DPP6: variants seen among roughly 807,000 people sequenced by gnomAD.
DPP6 encodes the protein A-type potassium channel modulatory protein DPP6.
A neutral mutation model predicts 122.6 loss-of-function variants in DPP6; 69 were observed. That is an observed-to-expected ratio of 0.56 (90% confidence interval 0.46 to 0.69). The LOEUF (loss-of-function observed/expected upper bound fraction) is 0.69, where lower values mean the gene tolerates loss of function less well. DPP6 is among the 30% of genes least tolerant of loss of function. DPP6 has a pLI of 0.00. For synonymous variants in DPP6, 418 were observed against 433.1 expected (o/e 0.97, Z 0.43); for missense variants, 928 against 1,116.9 (o/e 0.83, Z 2.41).
chr7:154,764,232 TCTCGCTC>T (rs1795756913), intron 8 of DPP6, among the ~76,000 whole-genome samples: 2 of 152,152 alleles, frequency 1.3e-5, no homozygotes, highest in African/African-American at 2.4e-5. Context: ...AATTGACCAC[TCTCGCTC>T]GGTGGATTTG....
rs1823328643 is a variant in DPP6 at position 154,481,808 on chromosome 7, T to C, written c.457+6771T>C. ...CCCTAATTCTTGCTCTGCCCCACAT[T>C]GACTCTTCTGGTTTTGGATTCTCCT... On this transcript the variant is annotated intron_variant, in intron 3 of 25. Coordinates refer to ENST00000377770, the MANE Select transcript of DPP6 (RefSeq NM_130797.4). This position sits in a 1 kb window ranked among gnomAD's most constrained non-coding sequence, Gnocchi z 4.2. 6.6e-6 allele frequency among the ~76,000 whole-genome samples: 1 copy of C among 152,164 alleles called. No homozygotes were observed. Among genetic ancestry groups the C allele is most frequent in the Non-Finnish European group, 1.5e-5 (1 of 68,026 alleles).
At chr7:154,445,421 C>G (rs1448874918) in intron 1 of DPP6, among the ~76,000 whole-genome samples, 2 of 152,308 alleles carry the variant, frequency 1.3e-5, no homozygotes, top group African/African-American at 2.4e-5. Flanking sequence ...TATGATTCCT[C>G]TAATTTGCAC....
In DPP6 at chr7:154,727,681, G is replaced by A. The variant is rs75177355; in HGVS notation, c.763-86G>A. 1.1e-3 allele frequency: 1,669 copies of A among 1,464,216 alleles called. 14 individuals are homozygous for A. In the African/African-American group the frequency reaches 0.018, roughly 16 times the overall value. The allele number at this position is 1,464,216 out of a possible 1,614,324, so 90.7% of individuals were successfully genotyped here. ...AAATACAACAGGAAAATGAAAACCC[G>A]GTTGATGATTTCAGATTTTTTAAGA... On this transcript the variant is annotated intron_variant, in intron 7 of 25. Coordinates refer to ENST00000377770, the MANE Select transcript of DPP6 (RefSeq NM_130797.4).
At chr7:154,579,089 C>G (rs1030381687) in intron 5 of DPP6, among the ~76,000 whole-genome samples, 3 of 152,152 alleles carry the variant, frequency 2.0e-5, no homozygotes, top group African/African-American at 4.8e-5. Flanking sequence ...TGGCTCATGC[C>G]TGTAATCCCA....
At chr7:154,205,633 C>A (rs550821711) in intron 1 of DPP6, among the ~76,000 whole-genome samples, 155 of 152,142 alleles carry the variant, frequency 1.0e-3, no homozygotes, top group African/African-American at 3.4e-3. Context: ...GGTGTCATGC[C>A]CAGGGATCAC....
At chr7:153,895,063 C>G (rs1799350157) in intron 1 of DPP6, among the ~76,000 whole-genome samples, 1 of 152,120 alleles carries the variant, frequency 6.6e-6, no homozygotes, top group African/African-American at 2.4e-5. Context: ...AGTTTTCTAA[C>G]CTCAGTTATA....
chr7:153,911,436 G>A (rs1312810166), intron 1 of DPP6, among the ~76,000 whole-genome samples: 1 of 152,130 alleles, frequency 6.6e-6, no homozygotes, highest in Non-Finnish European at 1.5e-5. Context: ...TCACTCTCAG[G>A]GATCTTGTCT....
At chr7:154,287,991 A>G (rs1804963199) in intron 1 of DPP6, among the ~76,000 whole-genome samples, 1 of 152,206 alleles carries the variant, frequency 6.6e-6, no homozygotes, top group Non-Finnish European at 1.5e-5. Flanking sequence ...AAATGGGGCA[A>G]AAGTTACTCC....
chr7:154,587,077 A>T (rs1291476458), intron 5 of DPP6: 1 of 152,780 alleles, frequency 6.5e-6, no homozygotes, highest in Non-Finnish European at 1.5e-5. Flanking sequence ...TCACAAAAGG[A>T]TGCGCAAGAG....
intron 1 of DPP6, among the ~76,000 whole-genome samples, chr7:154,307,093 A>G (rs1234472335): frequency 2.0e-5 from 3 of 152,108 alleles, no homozygotes; most frequent in African/African-American, 7.2e-5. Flanking sequence ...TCATAGGTCT[A>G]CACCCGATAC....
intron 16 of DPP6, among the ~76,000 whole-genome samples, chr7:154,816,276 TGA>T (rs57337365): frequency 6.6e-6 from 1 of 152,166 alleles, no homozygotes; most frequent in Non-Finnish European, 1.5e-5. Flanking sequence ...TAAGATATTT[TGA>T]GAGAGAGAGA....
At chr7:154,482,337 G>A (rs1823380344) in intron 3 of DPP6, among the ~76,000 whole-genome samples, 1 of 152,186 alleles carries the variant, frequency 6.6e-6, no homozygotes, top group African/African-American at 2.4e-5. Context: ...GAGAAGCTGA[G>A]AAGTTGGGTT....
chr7:154,173,028 C>T (rs907021646), intron 1 of DPP6, among the ~76,000 whole-genome samples: 1 of 152,134 alleles, frequency 6.6e-6, no homozygotes, highest in African/African-American at 2.4e-5. Context: ...GAGTAGGCTG[C>T]TTTTGCATTT....
At chr7:153,887,777 A>G (rs1279910134) in intron 1 of DPP6, 1 of 1,603,250 alleles carries the variant, frequency 6.2e-7, no homozygotes, top group Non-Finnish European at 8.5e-7. Flanking sequence ...GGGGGGACCC[A>G]CCGTGAGGAG....
In DPP6 at chr7:154,876,055, G is replaced by A. The variant is rs369842391; in HGVS notation, c.2033G>A (p.Arg678Gln). 11 of 1,609,476 alleles carry A rather than the reference G, an allele frequency of 6.8e-6. No individual in the cohort carries two copies. The highest frequency in any genetic ancestry group is 2.7e-5 in the African/African-American group (2 of 74,880). Residue 678 changes from arginine to glutamine, a missense_variant, in exon 20 of 26, where the codon CGG becomes CAG. By Grantham distance (43) the Arg-to-Gln change is conservative. Coordinates refer to ENST00000377770, the MANE Select transcript of DPP6 (RefSeq NM_130797.4). Reference protein sequence around the residue: ...QGTKLLHEVRRRLGLLEEKDQ... With the variant: ...QGTKLLHEVRQRLGLLEEKDQ... ...ACCAAGCTCCTGCACGAAGTGAGGC[G>A]GCGGCTGGGCTTGCTGGAGGAGAAG...
chr7:153,834,858 G>C, the DPP6 span, among the ~76,000 whole-genome samples: 1 of 152,092 alleles, frequency 6.6e-6, no homozygotes, highest in African/African-American at 2.4e-5. Flanking sequence ...ATGATTATTC[G>C]GGTAAATATA....
intron 2 of DPP6, among the ~76,000 whole-genome samples, chr7:154,468,375 C>A (rs1434254920): frequency 6.6e-6 from 1 of 152,116 alleles, no homozygotes; most frequent in African/African-American, 2.4e-5. Flanking sequence ...TAAAAATGTT[C>A]CAAATTTAGG....
At position 154,872,487 on chromosome 7, in the gene DPP6, T is replaced by G. The variant is rs991919174; in HGVS notation, c.1814-137T>G. The stretch of plus-strand genomic sequence containing the variant: ...GCCAGAGTCCTCAGGATGAAAACCC[T>G]GGGCCAGTCTCTGTCTGTGGGCTTC... On this transcript the variant is annotated intron_variant, in intron 18 of 25. Transcript: ENST00000377770. 3 of 1,369,528 alleles carry G rather than the reference T, an allele frequency of 2.2e-6. No homozygotes were observed. In the African/African-American group the frequency reaches 4.3e-5, roughly 20 times the overall value. 84.8% of individuals were successfully genotyped at this position (1,369,528 alleles called of 1,614,324 possible). A position where few individuals can be genotyped will look rare whatever the true frequency, so the allele number is the denominator to read the frequency against.
chr7:154,707,551 G>T (rs960747628), intron 7 of DPP6, among the ~76,000 whole-genome samples: 1 of 152,128 alleles, frequency 6.6e-6, no homozygotes, highest in African/African-American at 2.4e-5. Flanking sequence ...TCAGCACCTC[G>T]CCAGGTCCAT....
Sources: allele counts gnomAD v4.1 joint callset (sites outside exome capture counted in the v4.1 genomes callset), GRCh38; gene constraint gnomAD v4.1.1; non-coding constraint Gnocchi (gnomAD v3.1); transcripts MANE v1.5; gene names NCBI Gene and HGNC (gene_info 2026-07-23, HGNC 2026-07-21).